KCNIP1: variants seen among roughly 807,000 people sequenced by gnomAD.
KCNIP1 encodes the protein A-type potassium channel modulatory protein KCNIP1.
Under a neutral mutation model 33.0 loss-of-function variants are expected in KCNIP1, and 18 were observed. That is an observed-to-expected ratio of 0.55 (90% CI 0.38 to 0.81). The LOEUF (loss-of-function observed/expected upper bound fraction) is 0.81, where lower values mean the gene tolerates loss of function less well. Among genes scored for constraint, KCNIP1 ranks in the 30% least tolerant of loss-of-function variants. KCNIP1 has a pLI of 0.00. For missense variants in KCNIP1, 238 were observed against 271.6 expected (o/e 0.88, Z 0.87); for synonymous variants, 93 against 98.3 (o/e 0.95, Z 0.32).
chr5:170,600,933 C>A (rs1472671022), intron 1 of KCNIP1, among the ~76,000 whole-genome samples: 1 of 152,236 alleles, frequency 6.6e-6, no homozygotes, highest in Non-Finnish European at 1.5e-5. Flanking sequence ...TTTGGCAACA[C>A]TGCACTTCAG....
intron 1 of KCNIP1, among the ~76,000 whole-genome samples, chr5:170,367,447 G>GAAA (rs1554086789): frequency 7.0e-6 from 1 of 142,874 alleles, no homozygotes; most frequent in African/African-American, 2.7e-5. Flanking sequence ...AGGAAAGAAA[G>GAAA]GAAAGAAAGA....
intron 1 of KCNIP1, among the ~76,000 whole-genome samples, chr5:170,562,111 G>A (rs567380945): frequency 3.0e-4 from 45 of 152,300 alleles, no homozygotes; most frequent in Admixed American, 2.6e-3. Flanking sequence ...AAATAGATAT[G>A]TGGCAAATGT....
At chr5:170,663,271 G>T (rs1264396197) in intron 1 of KCNIP1, among the ~76,000 whole-genome samples, 5 of 152,194 alleles carry the variant, frequency 3.3e-5, no homozygotes, top group Admixed American at 6.5e-5. Flanking sequence ...TGACTTTAAA[G>T]TCCCAGCCTT....
intron 1 of KCNIP1, among the ~76,000 whole-genome samples, chr5:170,624,761 G>A (rs1273092890): frequency 7.4e-6 from 1 of 135,412 alleles, no homozygotes; most frequent in Non-Finnish European, 1.6e-5. Context: ...GGAGGAGAGG[G>A]GAGGGGAGTG....
In KCNIP1 at chr5:170,604,655, G is replaced by C. The variant is rs182497312; in HGVS notation, c.61+100022G>C. Among the ~76,000 whole-genome samples, 270 of 152,302 alleles carry C rather than the reference G, an allele frequency of 1.8e-3. 1 individual carries two copies. The highest frequency in any genetic ancestry group is 5.9e-3 in the African/African-American group (245 of 41,564). On this transcript the variant is annotated intron_variant, in intron 1 of 7. Coordinates refer to ENST00000328939, the MANE Select transcript of KCNIP1 (RefSeq NM_014592.4). ...AGGTCCTATTCCCTGCTCACTCCTG[G>C]TATGTAGTGGAAGCTGGAGAGCCTT...
chr5:170,385,955 T>TA (rs548199277), intron 1 of KCNIP1, among the ~76,000 whole-genome samples: 107 of 141,710 alleles, frequency 7.6e-4, no homozygotes, highest in South Asian at 7.2e-3. Flanking sequence ...CCATCTCTAC[T>TA]AAAAAAAAAA....
intron 1 of KCNIP1, among the ~76,000 whole-genome samples, chr5:170,702,441 G>A (rs1763129003): frequency 6.6e-6 from 1 of 152,168 alleles, no homozygotes; most frequent in South Asian, 2.1e-4. Flanking sequence ...AGTGGAGGCT[G>A]CTTTGATGCT....
chr5:170,475,378 A>G (rs759989869), intron 1 of KCNIP1, among the ~76,000 whole-genome samples: 3 of 152,164 alleles, frequency 2.0e-5, no homozygotes, highest in Non-Finnish European at 2.9e-5. Context: ...TGTTATTCGA[A>G]CAAAGCTTCG....
chr5:170,428,630 C>T (rs919694163), intron 1 of KCNIP1, among the ~76,000 whole-genome samples: 2 of 152,110 alleles, frequency 1.3e-5, no homozygotes, highest in African/African-American at 2.4e-5. Context: ...TCAGTACTCA[C>T]GGGGTGGCTG....
intron 1 of KCNIP1, among the ~76,000 whole-genome samples, chr5:170,689,344 T>C (rs1474095716): frequency 6.6e-6 from 1 of 152,202 alleles, no homozygotes; most frequent in African/African-American, 2.4e-5. Flanking sequence ...GGAGTAATAA[T>C]ACCTCTGTGT....
intron 1 of KCNIP1, among the ~76,000 whole-genome samples, chr5:170,642,404 G>A (rs1760603164): frequency 6.6e-6 from 1 of 152,204 alleles, no homozygotes; most frequent in Non-Finnish European, 1.5e-5. Context: ...CATCTCCAGC[G>A]TCACAGCTGC....
intron 1 of KCNIP1, among the ~76,000 whole-genome samples, chr5:170,467,009 G>C (rs1411603740): frequency 6.6e-6 from 1 of 152,216 alleles, no homozygotes; most frequent in Admixed American, 6.5e-5. Flanking sequence ...CTGAGAATGT[G>C]AGTGTAATAA....
intron 1 of KCNIP1, among the ~76,000 whole-genome samples, chr5:170,517,462 T>A (rs1340289096): frequency 6.6e-6 from 1 of 152,154 alleles, no homozygotes; most frequent in East Asian, 1.9e-4. Context: ...GTGACAGTAA[T>A]GACAGTAGGG....
At chr5:170,633,308 A>G (rs1760136640) in intron 1 of KCNIP1, among the ~76,000 whole-genome samples, 1 of 152,074 alleles carries the variant, frequency 6.6e-6, no homozygotes, top group East Asian at 2.0e-4. Flanking sequence ...AAACACATGG[A>G]CAACACAGAA....
chr5:170,379,088 C>T (rs930156452), intron 1 of KCNIP1: 5 of 1,288,874 alleles, frequency 3.9e-6, no homozygotes, highest in Admixed American at 2.4e-5. Flanking sequence ...GGATTGGAGT[C>T]GGGGCTTTGG....
chr5:170,677,743 C>A, intron 1 of KCNIP1, among the ~76,000 whole-genome samples: 1 of 152,174 alleles, frequency 6.6e-6, no homozygotes, highest in East Asian at 1.9e-4. Flanking sequence ...ACCCCACATC[C>A]CCCTGACACA....
chr5:170,734,790 T>C (rs1764324134), intron 7 of KCNIP1, among the ~76,000 whole-genome samples: 1 of 152,258 alleles, frequency 6.6e-6, no homozygotes, highest in Non-Finnish European at 1.5e-5. Flanking sequence ...CACCCTGTTA[T>C]GTAGATGTCC....
At chr5:170,625,315 G>A (rs777860976) in intron 1 of KCNIP1, among the ~76,000 whole-genome samples, 2 of 152,160 alleles carry the variant, frequency 1.3e-5, no homozygotes, top group Admixed American at 6.5e-5. Context: ...CAGTCTCTGT[G>A]TTCCCAGACA....
intron 1 of KCNIP1, among the ~76,000 whole-genome samples, chr5:170,370,367 G>A (rs1763812652): frequency 6.6e-6 from 1 of 152,164 alleles, no homozygotes; most frequent in African/African-American, 2.4e-5. Context: ...CTTTCCAATT[G>A]AGGAAACTGA....
Sources: allele counts gnomAD v4.1 joint callset (sites outside exome capture counted in the v4.1 genomes callset), GRCh38; gene constraint gnomAD v4.1.1; transcripts MANE v1.5; gene names NCBI Gene and HGNC (gene_info 2026-07-23, HGNC 2026-07-21).